The following TUBGCP2 variants were observed in gnomAD, a reference collection of about 807,000 sequenced individuals.
The protein encoded by TUBGCP2 is gamma-tubulin complex component 2.
TUBGCP2 carries 55 observed loss-of-function variants against 92.2 expected under a neutral mutation model. That is an observed-to-expected ratio of 0.60 (90% CI 0.48 to 0.75). The LOEUF (loss-of-function observed/expected upper bound fraction) is 0.75. TUBGCP2 is among the 30% of genes least tolerant of loss of function. The pLI, the probability that TUBGCP2 is intolerant of heterozygous loss-of-function variation, is 0.00. For missense variants in TUBGCP2, 1,093 were observed against 1,188.9 expected (o/e 0.92, Z 1.19); for synonymous variants, 533 against 505.2 (o/e 1.06, Z -0.74).
chr10:133,310,631 A>C, upstream of TUBGCP2: 1 of 325,196 alleles, frequency 3.1e-6, no homozygotes, highest in Non-Finnish European at 5.9e-6. Context: ...ATCCGCACTC[A>C]CACCCCTCGG....
At position 133,282,958 on chromosome 10, in the gene TUBGCP2, A is replaced by AGCGGC. The variant is rs554802982; in HGVS notation, c.2289+115_2289+119dup. 306 of 1,365,238 alleles carry AGCGGC rather than the reference A, an allele frequency of 2.2e-4. 13 individuals are homozygous for AGCGGC. The South Asian group carries it at 4.1e-3, about 18-fold the overall frequency. The allele number at this position is 1,365,238 out of a possible 1,614,324, so 84.6% of individuals were successfully genotyped here. A position where few individuals can be genotyped will look rare whatever the true frequency, so the allele number is the denominator to read the frequency against. On this transcript the variant is annotated intron_variant, in intron 15 of 17. Transcript: ENST00000252936. The stretch of plus-strand genomic sequence containing the variant: ...GGAGTTCTGGAAACACTCAGATCCC[A>AGCGGC]GCGGCTCCTCCACGAACACAAGGGC...
At chr10:133,280,398 CACAGGGT>C (rs781176409) in intron 17 of TUBGCP2, among the ~76,000 whole-genome samples, 13 of 152,066 alleles carry the variant, frequency 8.5e-5, no homozygotes, top group Non-Finnish European at 1.5e-4. Flanking sequence ...GGGCACAGGG[CACAGGGT>C]GGTCCAAAAG....
upstream of TUBGCP2, chr10:133,311,614 A>G: frequency 2.0e-6 from 2 of 992,044 alleles, no homozygotes; most frequent in East Asian, 4.8e-5. Flanking sequence ...AAAATATGCT[A>G]CTTACAGGGA....
intron 14 of TUBGCP2, 82 bp downstream of exon 14, chr10:133,283,800 G>GC: frequency 6.4e-7 from 1 of 1,569,880 alleles, no homozygotes; most frequent in Non-Finnish European, 8.7e-7. Flanking sequence ...CTCTCCCCTC[G>GC]CCCTGCCTCT....
At chr10:133,309,750 G>A, upstream of TUBGCP2, 2 of 1,611,530 alleles carry the variant, frequency 1.2e-6, no homozygotes, top group Non-Finnish European at 1.7e-6. Context: ...CGGAGGAAGG[G>A]CTCCTGAAGC....
intron 1 of TUBGCP2, among the ~76,000 whole-genome samples, chr10:133,308,009 G>A (rs1847868863): frequency 6.6e-6 from 1 of 152,146 alleles, no homozygotes; most frequent in Non-Finnish European, 1.5e-5. Flanking sequence ...TCTTTGGAAC[G>A]CTGAGGCAGC....
intron 1 of TUBGCP2, among the ~76,000 whole-genome samples, chr10:133,304,453 T>C (rs1847758073): frequency 6.6e-6 from 1 of 152,216 alleles, no homozygotes; most frequent in Non-Finnish European, 1.5e-5. Flanking sequence ...TTGAAAGTTA[T>C]GGGCAAAATA....
At chr10:133,307,562 T>C (rs961415923) in intron 1 of TUBGCP2, among the ~76,000 whole-genome samples, 1 of 152,174 alleles carries the variant, frequency 6.6e-6, no homozygotes. Context: ...CTGGCCAACA[T>C]GGTGAAAACC....
intron 9 of TUBGCP2, among the ~76,000 whole-genome samples, chr10:133,289,582 G>C (rs533910859): frequency 2.0e-4 from 30 of 152,182 alleles, no homozygotes; most frequent in Non-Finnish European, 3.8e-4. Context: ...GCAGGGTCAG[G>C]GACAGAGTCC....
chr10:133,288,328 G>GT lies in TUBGCP2; in HGVS notation c.1542-20dup. ...GATGGACCTGCGCCAGGGAGCAGGC[G>GT]TGAGCAGGTGCCCACCCGCAGGTGC... is the stretch of plus-strand genomic sequence containing the variant. On this transcript the variant is annotated intron_variant, in intron 10 of 17. Transcript: ENST00000252936. 1 of 1,610,244 alleles carries GT rather than the reference G, an allele frequency of 6.2e-7. No homozygotes were observed. The highest frequency in any genetic ancestry group is 1.1e-5 in the South Asian group (1 of 90,880).
intron 11 of TUBGCP2, 62 bp downstream of exon 11, chr10:133,288,066 GC>G: frequency 6.4e-7 from 1 of 1,553,316 alleles, no homozygotes; most frequent in Admixed American, 1.9e-5. Context: ...CCTCTGCTGT[GC>G]TCTCCTCCCA....
chr10:133,309,329 C>T (rs1427328576), upstream of TUBGCP2: 3 of 1,567,224 alleles, frequency 1.9e-6, no homozygotes, highest in African/African-American at 1.4e-5. Context: ...GTGGGCGAGG[C>T]CTGACGCGGT....
Position 133,293,609 on chromosome 10 carries a change from C to G in TUBGCP2, c.777G>C (p.Leu259=). ...CGGCCACTGGGAGGATCCTGTGCAC[C>G]AGCTCCCTGATGGACAGGTCCAGGT... ...DPNLDLSIRE[L]VHRILPVAAS... The change falls in exon 6 of 18, where the codon CTG becomes CTC. Residue 259 remains leucine, a synonymous_variant. Coordinates refer to ENST00000252936, the MANE Select transcript of TUBGCP2 (RefSeq NM_006659.4). 6.4e-7 allele frequency: 1 copy of G among 1,562,888 alleles called. No homozygotes were observed. The highest frequency in any genetic ancestry group is 8.7e-7 in the Non-Finnish European group (1 of 1,153,758).
At chr10:133,309,090 C>A, upstream of TUBGCP2, 1 of 1,316,488 alleles carries the variant, frequency 7.6e-7, no homozygotes, top group South Asian at 2.7e-5. Context: ...AGCACCAGTT[C>A]TTCGAGGTGC....
rs887791165 is a variant in TUBGCP2 at position 133,288,658 on chromosome 10, G to A, written c.1541+182C>T. Among the ~76,000 whole-genome samples, 6 of 152,208 alleles carry A rather than the reference G, an allele frequency of 3.9e-5. No individual in the cohort carries two copies. In the South Asian group the frequency reaches 6.2e-4, roughly 16 times the overall value. ...GCTGGGGCCCCTGGACAAGGTGACCGGGGGCCTACACCACCCACTGTGAGT... is the reference window on the plus strand; with the variant it reads ...GCTGGGGCCCCTGGACAAGGTGACCAGGGGCCTACACCACCCACTGTGAGT... On this transcript the variant is annotated intron_variant, in intron 10 of 17. Transcript: ENST00000252936.
At chr10:133,293,497 C>T in intron 6 of TUBGCP2, 65 bp downstream of exon 6, 1 of 1,507,956 alleles carries the variant, frequency 6.6e-7, no homozygotes, top group Non-Finnish European at 9.0e-7. Context: ...CCATGGTCAT[C>T]AGGATGGGAC....
Position 133,279,873 on chromosome 10 carries a change from G to T in TUBGCP2, c.2602C>A (p.Arg868Ser), listed in dbSNP as rs199504128. Residue 868 changes from arginine (R) to serine (S), a missense_variant, in exon 18 of 18, where the codon CGC becomes AGC. By Grantham distance (110) the Arg-to-Ser change is moderately radical (BLOSUM62 -1). Around this residue, in one of 3 missense-constraint regions of TUBGCP2, gnomAD observed 598 missense variants for 675.5 expected, o/e 0.89. Coordinates refer to ENST00000252936, the MANE Select transcript of TUBGCP2 (RefSeq NM_006659.4). ...RLDFNGFYTE[R>S]LERLSAERSQ... ...CTCTCTGCAGACAGGCGCTCCAGGC[G>T]CTCCGTGTAGAAACCATTGAAGTCA... The T allele has an allele frequency of 1.9e-6, 3 of 1,608,772 alleles. No homozygotes were observed. The highest frequency in any genetic ancestry group is 8.5e-7 in the Non-Finnish European group (1 of 1,178,184).
At chr10:133,303,125 G>T in intron 1 of TUBGCP2, 145 bp from the exon 2 acceptor site, 1 of 613,782 alleles carries the variant, frequency 1.6e-6, no homozygotes, top group South Asian at 2.1e-5. Context: ...TCCCCCAACA[G>T]CCCAGCAGCC....
At chr10:133,286,614 C>G (rs1003942692) in intron 11 of TUBGCP2, among the ~76,000 whole-genome samples, 4 of 152,264 alleles carry the variant, frequency 2.6e-5, no homozygotes, top group Admixed American at 2.6e-4. Context: ...CCTCCTCCCG[C>G]GCGCACGGAA....
Sources: gnomAD v4.1 joint callset for allele counts (sites outside exome capture counted in the v4.1 genomes callset) on GRCh38, gnomAD v4.1.1 for gene constraint, gnomAD v4.1.1 regional missense constraint, MANE v1.5 for transcripts, NCBI Gene and HGNC (gene_info 2026-07-23, HGNC 2026-07-21) for gene names.